SEPTIN2: variants seen among roughly 807,000 people sequenced by gnomAD.
SEPTIN2 encodes the protein septin-2.
A neutral mutation model predicts 46.5 loss-of-function variants in SEPTIN2; 34 were observed. The ratio of observed to expected loss-of-function variants is 0.73; its 90% CI spans 0.56 to 0.97. The LOEUF (loss-of-function observed/expected upper bound fraction) is 0.97. Ranked by LOEUF, SEPTIN2 falls within the 50% of genes least tolerant of loss-of-function variation. The pLI is 0.00. For synonymous variants in SEPTIN2, 175 were observed against 153.4 expected, an observed-to-expected ratio of 1.14 and a Z score of -1.04; for missense variants, 347 against 448.4, an observed-to-expected ratio of 0.77 and a Z score of 2.04.
At position 241,324,246 on chromosome 2, in the gene SEPTIN2, GATC is replaced by G; in HGVS notation, c.9+8_9+10del. The G allele has an allele frequency of 1.2e-6, 2 of 1,609,832 alleles. No individual in the cohort carries two copies. Among genetic ancestry groups the G allele is most frequent in the South Asian group, 2.2e-5 (2 of 89,586 alleles). On this transcript the variant is annotated splice_donor_region_variant and intron_variant, in intron 2 of 12. Transcript: ENST00000391971. ...GCTTCACAAAAGATGTCTAAGGTAA[GATC>G]ATACTTCATGTATCTACAGCATAAG...
intron 3 of SEPTIN2, among the ~76,000 whole-genome samples, chr2:241,334,725 C>T (rs528065457): frequency 6.6e-6 from 1 of 152,192 alleles, no homozygotes; most frequent in African/African-American, 2.4e-5. Context: ...TAGATATGTT[C>T]AGTTTTCTGA....
rs2060920715 is a variant in SEPTIN2, at chr2:241,353,439, T to C, written c.*1502T>C. On this transcript the variant is annotated 3_prime_UTR_variant, in exon 13 of 13. Coordinates refer to ENST00000391971, the MANE Select transcript of SEPTIN2 (RefSeq NM_004404.5). ...TTGTGTAGGGAGATGGAGAAAATGC[T>C]TAATCTGAGGATGAGACAGGGTTTT... is the stretch of plus-strand genomic sequence containing the variant. The C allele has an allele frequency of 6.6e-6, 1 of 152,188 alleles. No homozygotes were observed. The highest frequency in any genetic ancestry group is 2.4e-5 in the African/African-American group (1 of 41,442). The allele number at this position is 152,188 out of a possible 1,614,324, so 9.4% of individuals were successfully genotyped here.
At chr2:241,321,857 T>C (rs2077181696) in intron 1 of SEPTIN2, among the ~76,000 whole-genome samples, 1 of 152,196 alleles carries the variant, frequency 6.6e-6, no homozygotes, top group South Asian at 2.1e-4. Context: ...TACTTATCTC[T>C]GTATTATTTG....
chr2:241,326,163 T>C, intron 3 of SEPTIN2, 50 bp downstream of exon 3: 2 of 1,552,958 alleles, frequency 1.3e-6, no homozygotes, highest in Non-Finnish European at 1.8e-6. Flanking sequence ...TATCTCCCCT[T>C]TCCAATCTCT....
intron 4 of SEPTIN2, 135 bp from the exon 5 acceptor site, chr2:241,335,840 C>G: frequency 9.0e-7 from 1 of 1,106,290 alleles, no homozygotes; most frequent in Non-Finnish European, 1.3e-6. Context: ...ATCTTTTTTT[C>G]TTAATCCCCA....
intron 7 of SEPTIN2, among the ~76,000 whole-genome samples, chr2:241,338,816 ATTAT>A (rs1447434660): frequency 6.7e-5 from 7 of 104,118 alleles, no homozygotes; most frequent in African/African-American, 1.8e-4. Context: ...TTATATTTAT[ATTAT>A]TTATATATAA....
At chr2:241,319,302 G>C (rs2076805084) in intron 1 of SEPTIN2, among the ~76,000 whole-genome samples, 1 of 152,178 alleles carries the variant, frequency 6.6e-6, no homozygotes, top group Non-Finnish European at 1.5e-5. Context: ...TCTCGTATTT[G>C]CTTCATAATC....
At chr2:241,332,688 A>G (rs1416673532) in intron 3 of SEPTIN2, among the ~76,000 whole-genome samples, 1 of 152,256 alleles carries the variant, frequency 6.6e-6, no homozygotes, top group Non-Finnish European at 1.5e-5. Flanking sequence ...ATTCATAGCT[A>G]CTTTTCTCAA....
At chr2:241,322,947 GA>G (rs921775297) in intron 1 of SEPTIN2, among the ~76,000 whole-genome samples, 4 of 151,782 alleles carry the variant, frequency 2.6e-5, no homozygotes, top group East Asian at 1.9e-4. Flanking sequence ...AGTCAGTACT[GA>G]AAAAAAATTT....
chr2:241,324,051 T>G, intron 1 of SEPTIN2, 165 bp from the exon 2 acceptor site: 1 of 597,084 alleles, frequency 1.7e-6, no homozygotes, highest in Non-Finnish European at 2.9e-6. Flanking sequence ...AACTTTTCCC[T>G]TTGGCCTAAT....
At chr2:241,316,402 G>GAGCTA in intron 1 of SEPTIN2, 1 of 952,066 alleles carries the variant, frequency 1.1e-6, no homozygotes, top group Non-Finnish European at 1.5e-6. Context: ...TCTTTCTAAC[G>GAGCTA]GTGCCATTTC....
chr2:241,324,638 G>GC (rs1317344312), intron 2 of SEPTIN2: 3 of 290,708 alleles, frequency 1.0e-5, no homozygotes, highest in Admixed American at 1.0e-4. Context: ...ACCCGCTTTG[G>GC]CCCCCCGAAG....
At chr2:241,339,915 T>G (rs2081025264) in intron 7 of SEPTIN2, among the ~76,000 whole-genome samples, 1 of 152,232 alleles carries the variant, frequency 6.6e-6, no homozygotes, top group Non-Finnish European at 1.5e-5. Context: ...AGATCAGGAA[T>G]CTGCTTTGTT....
chr2:241,325,927 C>G, intron 2 of SEPTIN2, 66 bp from the exon 3 acceptor site: 2 of 1,456,268 alleles, frequency 1.4e-6, no homozygotes, highest in Non-Finnish European at 9.3e-7. Context: ...TCATGTCTAA[C>G]TGATTATATC....
At chr2:241,335,716 A>G (rs1466059092) in intron 4 of SEPTIN2, 1 of 573,586 alleles carries the variant, frequency 1.7e-6, no homozygotes, top group Non-Finnish European at 3.1e-6. Context: ...GAATTCGTAA[A>G]TTGCTTTCTT....
At chr2:241,332,084 A>C (rs952310351) in intron 3 of SEPTIN2, among the ~76,000 whole-genome samples, 28 of 152,270 alleles carry the variant, frequency 1.8e-4, no homozygotes, top group African/African-American at 6.0e-4. Flanking sequence ...TAGTAGATTT[A>C]AATGTAAAGC....
intron 2 of SEPTIN2, among the ~76,000 whole-genome samples, 180 bp from the exon 3 acceptor site, chr2:241,325,813 A>G (rs1396776638): frequency 6.6e-6 from 1 of 152,104 alleles, no homozygotes; most frequent in Non-Finnish European, 1.5e-5. Context: ...TTCTTTTTTT[A>G]ATGCTCCTAG....
intron 2 of SEPTIN2, chr2:241,325,088 C>G (rs558145819): frequency 6.6e-6 from 1 of 150,560 alleles, no homozygotes; most frequent in African/African-American, 2.4e-5. Flanking sequence ...AAAAAAAAGT[C>G]ATTATTTCAC....
intron 8 of SEPTIN2, 24 bp from the exon 9 acceptor site, chr2:241,343,728 T>C: frequency 6.2e-7 from 1 of 1,613,920 alleles, no homozygotes; most frequent in African/African-American, 1.3e-5. Context: ...GTGGAGCCTG[T>C]CTACTCTGTG....
Sources: allele counts gnomAD v4.1 joint callset (sites outside exome capture counted in the v4.1 genomes callset), GRCh38; gene constraint gnomAD v4.1.1; transcripts MANE v1.5; gene names NCBI Gene and HGNC (gene_info 2026-07-23, HGNC 2026-07-21).